Variants in UGT2B7 observed in about 807,000 individuals in gnomAD.
UGT2B7 encodes the protein UDP glucuronosyltransferase family 2 member B7, also known as UDP-glucuronosyltransferase 2B7.
In UGT2B7, 51 loss-of-function variants were observed where a neutral mutation model predicts 51.9. The ratio of observed to expected loss-of-function variants is 0.98; its 90% CI spans 0.78 to 1.24. The LOEUF is 1.24. Among genes scored for constraint, UGT2B7 ranks in the 50% most tolerant of loss-of-function variants. The pLI is 0.00. For missense variants in UGT2B7, 727 were observed against 628.4 expected (o/e 1.16, Z -1.68); for synonymous variants, 225 against 211.6 (o/e 1.06, Z -0.55).
At chr4:69,060,042 A>G (rs892371671) in intron 1 of UGT2B7, among the ~76,000 whole-genome samples, 3 of 152,128 alleles carry the variant, frequency 2.0e-5, no homozygotes, top group African/African-American at 7.2e-5. Context: ...CTCTCCTACA[A>G]TCTTTGAAGA....
chr4:69,097,246 G>T lies in UGT2B7; in HGVS notation c.721+5G>T. On this transcript the variant is annotated splice_donor_5th_base_variant and intron_variant, in intron 1 of 5. Transcript: ENST00000305231. ...AGTTTTATAGTGAAGTTCTAGGTAA[G>T]TATTTTTTTCAATCAGTAACATGAA... 6.3e-7 allele frequency: 1 copy of T among 1,597,992 alleles called. No individual in the cohort carries two copies. Among genetic ancestry groups the T allele is most frequent in the Non-Finnish European group, 8.5e-7 (1 of 1,175,322 alleles).
At chr4:69,099,257 C>CAAAA (rs58121670) in intron 2 of UGT2B7, among the ~76,000 whole-genome samples, 301 of 104,452 alleles carry the variant, frequency 2.9e-3, no homozygotes, top group Middle Eastern at 5.4e-3. Flanking sequence ...GAGAGACAGA[C>CAAAA]AAAAAAAAAA....
At chr4:69,064,112 A>AAGAAAGAAAGAGAGAGAAAG in intron 1 of UGT2B7, among the ~76,000 whole-genome samples, 1 of 86,802 alleles carries the variant, frequency 1.2e-5, no homozygotes, top group Non-Finnish European at 2.2e-5. Context: ...GAAAGAAAGA[A>AAGAAAGAAAGAGAGAGAAAG]AAAGAAAGAA....
chr4:69,077,778 C>A (rs145772309), intron 1 of UGT2B7, among the ~76,000 whole-genome samples: 1 of 152,088 alleles, frequency 6.6e-6, no homozygotes, highest in African/African-American at 2.4e-5. Flanking sequence ...ATTTCTTTAT[C>A]TTGCCAGATT....
chr4:69,086,086 G>C (rs1718948858), intron 1 of UGT2B7, among the ~76,000 whole-genome samples: 1 of 151,238 alleles, frequency 6.6e-6, no homozygotes, highest in Admixed American at 6.6e-5. Flanking sequence ...AGGTACTATA[G>C]GTTGTTTATT....
chr4:69,064,019 GGAAA>G (rs71204072), intron 1 of UGT2B7, among the ~76,000 whole-genome samples: 4,826 of 59,636 alleles, frequency 0.081, 244 homozygotes, highest in Middle Eastern at 0.14. Flanking sequence ...AGATGAGATG[GGAAA>G]GAAAGAAAGA....
intron 1 of UGT2B7, among the ~76,000 whole-genome samples, chr4:69,061,347 A>G (rs1718342479): frequency 2.0e-5 from 3 of 152,244 alleles, no homozygotes; most frequent in African/African-American, 4.8e-5. Flanking sequence ...CCAAACAGGT[A>G]GCAGTAATGC....
chr4:69,107,814 T>G (rs1432313336), intron 4 of UGT2B7, among the ~76,000 whole-genome samples: 1 of 152,134 alleles, frequency 6.6e-6, no homozygotes, highest in Non-Finnish European at 1.5e-5. Context: ...GTTCACTTCA[T>G]GCCTATCTCT....
At chr4:69,094,375 C>G (rs1369852890), upstream of UGT2B7, among the ~76,000 whole-genome samples, 1 of 30,068 alleles carries the variant, frequency 3.3e-5, no homozygotes, top group Non-Finnish European at 5.1e-5. Flanking sequence ...GTCTCGATCT[C>G]CTGACCTCGT....
chr4:69,064,112 A>AAGAAAGAGAGAGAGAGAGAGAAAG (rs754723956), intron 1 of UGT2B7, among the ~76,000 whole-genome samples: 2 of 86,802 alleles, frequency 2.3e-5, no homozygotes, highest in Admixed American at 1.1e-4. Flanking sequence ...GAAAGAAAGA[A>AAGAAAGAGAGAGAGAGAGAGAAAG]AAAGAAAGAA....
At chr4:69,112,369 T>A in intron 5 of UGT2B7, 88 bp from the exon 6 acceptor site, 3 of 1,511,010 alleles carry the variant, frequency 2.0e-6, no homozygotes, top group African/African-American at 1.4e-5. Context: ...CCCAGCCGAA[T>A]AAAACCCTTC....
chr4:69,106,796 G>T (rs1719613641), intron 3 of UGT2B7, among the ~76,000 whole-genome samples: 1 of 151,484 alleles, frequency 6.6e-6, no homozygotes, highest in Non-Finnish European at 1.5e-5. Context: ...CATTCTGACT[G>T]GTGTGAGATG....
At chr4:69,099,788 C>A (rs1409413542) in intron 2 of UGT2B7, among the ~76,000 whole-genome samples, 1 of 151,970 alleles carries the variant, frequency 6.6e-6, no homozygotes, top group Non-Finnish European at 1.5e-5. Context: ...ATGTGCTGGT[C>A]ACTTGAGATA....
At chr4:69,089,147 C>G (rs1223305751) in intron 1 of UGT2B7, among the ~76,000 whole-genome samples, 1 of 152,092 alleles carries the variant, frequency 6.6e-6, no homozygotes, top group Non-Finnish European at 1.5e-5. Flanking sequence ...ACTGACATCA[C>G]TCCTCAAGGA....
rs774584239 is a variant in UGT2B7 at position 69,107,269 on chromosome 4, C to G, written c.1090+7C>G. The stretch of plus-strand genomic sequence containing the variant: ...CCCCAGAATGACCTTCTAGGTAAGA[C>G]TCTGGTGAACAAATACTGAATATAT... On this transcript the variant is annotated splice_region_variant and intron_variant, in intron 4 of 5. Coordinates refer to ENST00000305231, the MANE Select transcript of UGT2B7 (RefSeq NM_001074.4). 2 of 1,598,656 alleles carry G rather than the reference C, an allele frequency of 1.3e-6. No homozygotes were observed. The highest frequency in any genetic ancestry group is 3.4e-5 in the Admixed American group (2 of 58,272).
chr4:69,058,694 GT>G (rs1446288748), intron 1 of UGT2B7, among the ~76,000 whole-genome samples: 1 of 151,912 alleles, frequency 6.6e-6, no homozygotes, highest in Non-Finnish European at 1.5e-5. Flanking sequence ...AAAATGGAAG[GT>G]TTTGCAGGCA....
intron 4 of UGT2B7, among the ~76,000 whole-genome samples, chr4:69,107,858 T>C (rs1719652352): frequency 6.6e-6 from 1 of 152,144 alleles, no homozygotes; most frequent in Non-Finnish European, 1.5e-5. Flanking sequence ...TTTTGAAATC[T>C]AGAATGCAAT....
intron 2 of UGT2B7, chr4:69,089,692 C>T (rs1380508853): frequency 6.6e-6 from 1 of 152,142 alleles, no homozygotes; most frequent in South Asian, 2.1e-4. Context: ...TCATTTTCTG[C>T]TTTGCATTAA....
At position 69,075,041 on chromosome 4, in the gene UGT2B7, C is replaced by T. The variant is rs534019495; in HGVS notation, c.-158-14431C>T. ...ATCTTTGAGTAAATATTTTAAAATG[C>T]TTAATGAATGTTTCAGTAGTTGTAA... On this transcript the variant is annotated intron_variant, in intron 1 of 5. Transcript: ENST00000502942. Among the ~76,000 whole-genome samples, 17 of 152,148 alleles carry T rather than the reference C, an allele frequency of 1.1e-4. No individual in the cohort carries two copies. In the South Asian group the frequency reaches 3.5e-3, roughly 32 times the overall value.
Sources: allele counts gnomAD v4.1 joint callset (sites outside exome capture counted in the v4.1 genomes callset), GRCh38; gene constraint gnomAD v4.1.1; transcripts MANE v1.5; gene names NCBI Gene and HGNC (gene_info 2026-07-23, HGNC 2026-07-21).